FGD3: variants seen among roughly 807,000 people sequenced by gnomAD.
FGD3 encodes FYVE, RhoGEF and PH domain containing 3.
Under a neutral mutation model 71.8 loss-of-function variants are expected in FGD3, and 45 were observed. The ratio of observed to expected loss-of-function variants is 0.63; its 90% CI spans 0.49 to 0.80. The LOEUF (loss-of-function observed/expected upper bound fraction) is 0.80, where lower values mean the gene tolerates loss of function less well. Ranked by LOEUF, FGD3 falls within the 30% of genes least tolerant of loss-of-function variation. FGD3 has a pLI of 0.00. For synonymous variants in FGD3, 378 were observed against 392.8 expected, an observed-to-expected ratio of 0.96 and a Z score of 0.44; for missense variants, 844 against 951.5, an observed-to-expected ratio of 0.89 and a Z score of 1.49.
chr9:92,998,665 G>A lies in FGD3; in HGVS notation c.454-4260G>A, dbSNP rs374653281. 6.4e-4 allele frequency among the ~76,000 whole-genome samples: 97 copies of A among 152,218 alleles called. 1 individual carries two copies. The highest frequency in any genetic ancestry group is 2.3e-3 in the African/African-American group (94 of 41,540). ...ATACAGATGGGATTTTGGTGTGGAT[G>A]TCCTTTCTGTTTGTTAGTTTTCTGT... On this transcript the variant is annotated intron_variant, in intron 3 of 17. Coordinates refer to ENST00000375482, the MANE Select transcript of FGD3 (RefSeq NM_001083536.2).
intron 14 of FGD3, among the ~76,000 whole-genome samples, chr9:93,028,328 C>CT (rs1212853898): frequency 8.1e-6 from 1 of 123,392 alleles, no homozygotes; most frequent in East Asian, 2.1e-4. Flanking sequence ...AGGTAGTTTT[C>CT]TTTTAAACAG....
At chr9:92,972,232 T>C (rs1859563530) in intron 1 of FGD3, among the ~76,000 whole-genome samples, 1 of 151,856 alleles carries the variant, frequency 6.6e-6, no homozygotes, top group Non-Finnish European at 1.5e-5. Context: ...GAGGATCACT[T>C]GAGGTCAGGA....
At chr9:93,017,322 C>T (rs1189850972) in intron 10 of FGD3, among the ~76,000 whole-genome samples, 1 of 152,142 alleles carries the variant, frequency 6.6e-6, no homozygotes, top group Admixed American at 6.5e-5. Context: ...AAGGTATTTT[C>T]TCTAGTTAGT....
intron 6 of FGD3, among the ~76,000 whole-genome samples, chr9:93,006,768 C>T (rs2118714518): frequency 6.6e-6 from 1 of 151,816 alleles, no homozygotes; most frequent in Non-Finnish European, 1.5e-5. Context: ...ACTCTGTTGC[C>T]CAGGCTGGAG....
intron 3 of FGD3, among the ~76,000 whole-genome samples, chr9:92,989,921 T>A (rs1185680998): frequency 2.7e-3 from 5 of 1,882 alleles, no homozygotes; most frequent in Non-Finnish European, 0.013. Flanking sequence ...TTGTAGAGGT[T>A]TTTTTTTTTT....
intron 1 of FGD3, among the ~76,000 whole-genome samples, chr9:92,959,781 T>C (rs972968956): frequency 3.3e-5 from 5 of 151,902 alleles, no homozygotes; most frequent in Admixed American, 6.6e-5. Context: ...GTGGGTGTTT[T>C]GGAAGGTCGA....
At chr9:92,971,561 C>CTTTTT (rs1318618124) in intron 1 of FGD3, among the ~76,000 whole-genome samples, 17 of 63,282 alleles carry the variant, frequency 2.7e-4, no homozygotes, top group Non-Finnish European at 4.4e-4. Flanking sequence ...CTTTTCTTTT[C>CTTTTT]TTTTCTTTTT....
At chr9:93,010,476 T>C in intron 7 of FGD3, 92 bp downstream of exon 7, 1 of 1,349,882 alleles carries the variant, frequency 7.4e-7, no homozygotes, top group Non-Finnish European at 9.8e-7. Flanking sequence ...AGTCGTGGGG[T>C]CATGGGGGTA....
rs139835503 is a variant in FGD3, at chr9:92,955,148, G to A, written c.-218+7419G>A. On this transcript the variant is annotated intron_variant, in intron 1 of 17. Transcript: ENST00000375482. ...AGGCCAGGAATGAGGCTGGGAGGCT[G>A]CAAGGGCCAGGTTCCAGCCGGGCCA... 2.9e-3 allele frequency among the ~76,000 whole-genome samples: 446 copies of A among 152,330 alleles called. 1 individual carries two copies. The highest frequency in any genetic ancestry group is 0.01 in the African/African-American group (429 of 41,574).
intron 1 of FGD3, among the ~76,000 whole-genome samples, chr9:92,965,404 G>A (rs543084424): frequency 2.0e-5 from 3 of 152,346 alleles, no homozygotes; most frequent in Middle Eastern, 3.4e-3. Context: ...CTGAGCCCCA[G>A]TACAAATCTT....
intron 13 of FGD3, among the ~76,000 whole-genome samples, chr9:93,022,038 T>G (rs531374499): frequency 3.3e-5 from 5 of 152,244 alleles, no homozygotes; most frequent in Non-Finnish European, 4.4e-5. Flanking sequence ...ACTGGGTGAC[T>G]TGGTGTAAAT....
chr9:92,968,856 G>T (rs1420292917), intron 1 of FGD3, among the ~76,000 whole-genome samples: 13 of 152,116 alleles, frequency 8.5e-5, no homozygotes, highest in Admixed American at 8.5e-4. Flanking sequence ...CTGCCAAAGT[G>T]CCTTAGCCTC....
At chr9:93,031,289 A>G (rs1244949398) in intron 15 of FGD3, among the ~76,000 whole-genome samples, 1 of 152,220 alleles carries the variant, frequency 6.6e-6, no homozygotes, top group East Asian at 1.9e-4. Flanking sequence ...TTTAAGAGCC[A>G]TCCTCAGAAT....
chr9:92,973,106 ATTTTTTTTTTTT>A (rs59046376), intron 1 of FGD3, among the ~76,000 whole-genome samples: 2 of 87,124 alleles, frequency 2.3e-5, no homozygotes, highest in Non-Finnish European at 4.1e-5. Context: ...ATGCCTGGTA[ATTTTTTTTTTTT>A]TTTTTTTTTT....
At chr9:93,016,228 C>G (rs532105095) in intron 10 of FGD3, among the ~76,000 whole-genome samples, 2 of 152,022 alleles carry the variant, frequency 1.3e-5, no homozygotes, top group Admixed American at 6.5e-5. Flanking sequence ...GGGCGGGGGC[C>G]GGCTTCCCTT....
At position 93,019,822 on chromosome 9, in the gene FGD3, G is replaced by A; in HGVS notation, c.1356-9G>A. On this transcript the variant is annotated splice_polypyrimidine_tract_variant and intron_variant, in intron 11 of 17. Coordinates refer to ENST00000375482, the MANE Select transcript of FGD3 (RefSeq NM_001083536.2). ...ACTGGATTAATACAAGACCGTTTTG[G>A]TTTTTTAGGACAGAGGAAGAGAAGA... is the stretch of plus-strand genomic sequence containing the variant. 1 of 1,613,924 alleles carries A rather than the reference G, an allele frequency of 6.2e-7. No homozygotes were observed. Among genetic ancestry groups the A allele is most frequent in the Admixed American group, 1.7e-5 (1 of 60,004 alleles).
At chr9:92,990,749 C>A (rs997884804) in intron 3 of FGD3, among the ~76,000 whole-genome samples, 1 of 152,174 alleles carries the variant, frequency 6.6e-6, no homozygotes. Context: ...TGGAACAATC[C>A]TTGCATCCTG....
At chr9:92,999,924 C>G (rs1860799106) in intron 3 of FGD3, among the ~76,000 whole-genome samples, 1 of 152,004 alleles carries the variant, frequency 6.6e-6, no homozygotes, top group African/African-American at 2.4e-5. Flanking sequence ...AAGTTTAATC[C>G]ATTTACATTT....
At chr9:93,016,557 C>T (rs933160860) in intron 10 of FGD3, among the ~76,000 whole-genome samples, 2 of 151,378 alleles carry the variant, frequency 1.3e-5, no homozygotes, top group African/African-American at 2.4e-5. Flanking sequence ...AGGCTGGTCT[C>T]GAACTCCTGA....
Sources: allele counts gnomAD v4.1 joint callset (sites outside exome capture counted in the v4.1 genomes callset), GRCh38; gene constraint gnomAD v4.1.1; transcripts MANE v1.5; gene names NCBI Gene and HGNC (gene_info 2026-07-23, HGNC 2026-07-21).